Variants in UBQLN1 observed in about 807,000 individuals in gnomAD.
UBQLN1 encodes the protein ubiquilin-1.
In UBQLN1, 13 loss-of-function variants were observed where a neutral mutation model predicts 65.4. The ratio of observed to expected loss-of-function variants is 0.20; its 90% CI spans 0.13 to 0.32. UBQLN1 has a LOEUF of 0.32. Among genes scored for constraint, UBQLN1 ranks in the 10% least tolerant of loss-of-function variants. The probability of loss-of-function intolerance (pLI) is 1.00; values close to 1 mark genes in which losing one functional copy is unlikely to be tolerated. For missense variants in UBQLN1, 561 were observed against 724.0 expected, an observed-to-expected ratio of 0.77 and a Z score of 2.58; for synonymous variants, 267 against 247.8, an observed-to-expected ratio of 1.08 and a Z score of -0.73.
At chr9:83,699,779 T>C (rs1232420051) in intron 1 of UBQLN1, among the ~76,000 whole-genome samples, 1 of 152,244 alleles carries the variant, frequency 6.6e-6, no homozygotes, top group Non-Finnish European at 1.5e-5. Context: ...ACAGTAAATA[T>C]TTTTGGCTCT....
Position 83,679,832 on chromosome 9 carries a change from C to T in UBQLN1, c.654G>A (p.Leu218=), listed in dbSNP as rs1161657206. The change falls in exon 4 of 11, where the codon TTG becomes TTA. Residue 218 remains leucine, a synonymous_variant. Coordinates refer to ENST00000376395, the MANE Select transcript of UBQLN1 (RefSeq NM_013438.5). ...GACTAATTTCTGGATTTCTCTGTAT[C>T]AACTGCTGCATTTGTGGATTGGCCA... ...LIMANPQMQQ[L]IQRNPEISHM... The T allele has an allele frequency of 6.2e-7, 1 of 1,614,158 alleles. No individual in the cohort carries two copies. The highest frequency in any genetic ancestry group is 1.1e-5 in the South Asian group (1 of 91,076).
At chr9:83,706,165 A>G (rs1832402691) in intron 1 of UBQLN1, among the ~76,000 whole-genome samples, 2 of 152,218 alleles carry the variant, frequency 1.3e-5, no homozygotes, top group Admixed American at 6.5e-5. Flanking sequence ...TAGGCAAATA[A>G]GTTCACAATG....
chr9:83,679,088 G>C (rs988590538), intron 4 of UBQLN1, among the ~76,000 whole-genome samples: 1 of 152,122 alleles, frequency 6.6e-6, no homozygotes, highest in Non-Finnish European at 1.5e-5. Flanking sequence ...CCAAAATAGA[G>C]CCACTTGTGC....
At position 83,661,529 on chromosome 9, in the gene UBQLN1, T is replaced by C. The variant is rs142882287; in HGVS notation, c.*258A>G. The C allele has an allele frequency of 5.6e-5, 18 of 321,728 alleles. No individual in the cohort carries two copies. The East Asian group carries it at 9.4e-4, about 17-fold the overall frequency. 19.9% of individuals were successfully genotyped at this position (321,728 alleles called of 1,614,324 possible). Reference sequence around the variant, plus strand: ...GCAGGACAAAATCTGGTCACCCAACTATAAAAGGTGATGTTTTTAAAAAAT... The same window carrying C: ...GCAGGACAAAATCTGGTCACCCAACCATAAAAGGTGATGTTTTTAAAAAAT... On this transcript the variant is annotated 3_prime_UTR_variant, in exon 11 of 11. Transcript: ENST00000376395.
chr9:83,704,845 A>T (rs1411257341), intron 1 of UBQLN1, among the ~76,000 whole-genome samples: 1 of 151,892 alleles, frequency 6.6e-6, no homozygotes, highest in Non-Finnish European at 1.5e-5. Context: ...AAAAAAAAAA[A>T]ATCTCACTTT....
At chr9:83,699,026 C>T (rs1160650246) in intron 1 of UBQLN1, among the ~76,000 whole-genome samples, 1 of 152,008 alleles carries the variant, frequency 6.6e-6, no homozygotes, top group Non-Finnish European at 1.5e-5. Flanking sequence ...TCTTATTCCA[C>T]TTATATGAAA....
intron 4 of UBQLN1, 103 bp from the exon 5 acceptor site, chr9:83,678,702 G>A: frequency 7.3e-6 from 9 of 1,229,604 alleles, no homozygotes; most frequent in Non-Finnish European, 1.0e-5. Flanking sequence ...TTTATGGGAG[G>A]CCACTGTTTT....
intron 1 of UBQLN1, among the ~76,000 whole-genome samples, chr9:83,693,006 G>C (rs1007592461): frequency 1.3e-5 from 2 of 152,134 alleles, no homozygotes; most frequent in Non-Finnish European, 2.9e-5. Context: ...AACTCAAAAT[G>C]AAAGATACAT....
At chr9:83,697,551 CAAAAAAAAAA>C (rs750268209) in intron 1 of UBQLN1, among the ~76,000 whole-genome samples, 182 of 34,480 alleles carry the variant, frequency 5.3e-3, no homozygotes, top group African/African-American at 0.018. Context: ...GACACTGTCT[CAAAAAAAAAA>C]AAAAAAAAAA....
chr9:83,685,828 G>A (rs1054242781), intron 2 of UBQLN1, among the ~76,000 whole-genome samples, 176 bp downstream of exon 2: 10 of 152,072 alleles, frequency 6.6e-5, no homozygotes, highest in African/African-American at 2.2e-4. Context: ...TGACAATCAC[G>A]TAAGCATTAA....
intron 6 of UBQLN1, among the ~76,000 whole-genome samples, chr9:83,671,884 T>C (rs763643269): frequency 6.6e-6 from 1 of 152,248 alleles, no homozygotes; most frequent in Admixed American, 6.5e-5. Context: ...CTTCTTCCAA[T>C]AGAAGGCTGT....
In UBQLN1 at chr9:83,707,614, A is replaced by C; in HGVS notation, c.66T>G (p.Gly22=). The C allele has an allele frequency of 6.3e-7, 1 of 1,590,234 alleles. No homozygotes were observed. Among genetic ancestry groups the C allele is most frequent in the Non-Finnish European group, 8.6e-7 (1 of 1,169,014 alleles). The part of the protein sequence containing the change: ...GSQDSAAGAE[G]AGAPAAAASA... ...AGGCAGCGGCCGCGGGGGCGCCAGC[A>C]CCTTCGGCTCCGGCGGCGCTATCCT... The change falls in exon 1 of 11, where the codon GGT becomes GGG. Residue 22 remains glycine, a synonymous_variant. Coordinates refer to ENST00000376395, the MANE Select transcript of UBQLN1 (RefSeq NM_013438.5).
rs71365322 is a variant in UBQLN1, at chr9:83,697,245, G to GTT, written c.180+10253_180+10254dup. On this transcript the variant is annotated intron_variant, in intron 1 of 10. Coordinates refer to ENST00000376395, the MANE Select transcript of UBQLN1 (RefSeq NM_013438.5). ...TTAATATGAGTCTCAGTATCTTCTGGTTTTTTTTTTTTTTTTTAAGACATA... is the reference window on the plus strand; with the variant it reads ...TTAATATGAGTCTCAGTATCTTCTGGTTTTTTTTTTTTTTTTTTTAAGACATA... 4.6e-3 allele frequency among the ~76,000 whole-genome samples: 648 copies of GTT among 140,678 alleles called. 1 individual carries two copies. The highest frequency in any genetic ancestry group is 0.012 in the African/African-American group (445 of 37,994). The allele number at this position is 140,678 out of a possible 152,430, so 92.3% of individuals were successfully genotyped here. A position where few individuals can be genotyped will look rare whatever the true frequency, so the allele number is the denominator to read the frequency against.
chr9:83,662,049 G>T, intron 10 of UBQLN1, 110 bp from the exon 11 acceptor site: 1 of 985,724 alleles, frequency 1.0e-6, no homozygotes, highest in Non-Finnish European at 1.5e-6. Context: ...GATCTACTGA[G>T]CTTTAAAAAC....
chr9:83,682,789 C>T (rs1300382635), intron 3 of UBQLN1, among the ~76,000 whole-genome samples, 162 bp downstream of exon 3: 1 of 151,656 alleles, frequency 6.6e-6, no homozygotes, highest in East Asian at 1.9e-4. Flanking sequence ...ATATCCCCAA[C>T]TACTTCCTTA....
At position 83,660,486 on chromosome 9, in the gene UBQLN1, G is replaced by A. The variant is rs542996371; in HGVS notation, c.*1301C>T. On this transcript the variant is annotated 3_prime_UTR_variant, in exon 11 of 11. Coordinates refer to ENST00000376395, the MANE Select transcript of UBQLN1 (RefSeq NM_013438.5). ...GGAGTTAGGCAAACAGAATTCTTTG[G>A]GGGAGGGAAGAAAAAGGCTATAAAA... The A allele has an allele frequency of 2.0e-5, 3 of 152,634 alleles. No homozygotes were observed. The highest frequency in any genetic ancestry group is 1.3e-4 in the Admixed American group (2 of 15,292). 9.5% of individuals were successfully genotyped at this position (152,634 alleles called of 1,614,324 possible). A position where few individuals can be genotyped will look rare whatever the true frequency, so the allele number is the denominator to read the frequency against.
chr9:83,664,997 T>C (rs1384374968), intron 9 of UBQLN1, 33 bp downstream of exon 9: 7 of 1,317,394 alleles, frequency 5.3e-6, no homozygotes, highest in Admixed American at 2.0e-5. Context: ...GTAACCATTA[T>C]ACACTTTCAT....
At position 83,660,757 on chromosome 9, in the gene UBQLN1, T is replaced by C. The variant is rs1435782236; in HGVS notation, c.*1030A>G. ...AACTACCAAAACACTTCAGAAACAA[T>C]TGGCTCACAACTCATTTTAAATTTG... On this transcript the variant is annotated 3_prime_UTR_variant, in exon 11 of 11. Transcript: ENST00000376395. The C allele has an allele frequency of 1.4e-5, 2 of 137,938 alleles. No individual in the cohort carries two copies. Among genetic ancestry groups the C allele is most frequent in the East Asian group, 2.2e-4 (1 of 4,488 alleles). The allele number at this position is 137,938 out of a possible 1,614,324, so 8.5% of individuals were successfully genotyped here.
At position 83,661,089 on chromosome 9, in the gene UBQLN1, C is replaced by A. The variant is rs1831554985; in HGVS notation, c.*698G>T. On this transcript the variant is annotated 3_prime_UTR_variant, in exon 11 of 11. Coordinates refer to ENST00000376395, the MANE Select transcript of UBQLN1 (RefSeq NM_013438.5). ...CAATTAATTGTCCTTAAAGAGATAA[C>A]CAGAATCAGCTTTTCTACTGTATTT... The A allele has an allele frequency of 6.6e-6, 1 of 152,132 alleles. No homozygotes were observed. The highest frequency in any genetic ancestry group is 6.5e-5 in the Admixed American group (1 of 15,272). The allele number at this position is 152,132 out of a possible 1,614,324, so 9.4% of individuals were successfully genotyped here.
Sources: gnomAD v4.1 joint callset for allele counts (sites outside exome capture counted in the v4.1 genomes callset) on GRCh38, gnomAD v4.1.1 for gene constraint, MANE v1.5 for transcripts, NCBI Gene and HGNC (gene_info 2026-07-23, HGNC 2026-07-21) for gene names.